PHLPP1: variants seen among roughly 807,000 people sequenced by gnomAD.
The protein encoded by PHLPP1 is PH domain leucine-rich repeat-containing protein phosphatase 1.
In PHLPP1, 42 loss-of-function variants were observed where a neutral mutation model predicts 117.2. The ratio of observed to expected loss-of-function variants is 0.36; its 90% CI spans 0.28 to 0.46. PHLPP1 has a LOEUF of 0.46. Among genes scored for constraint, PHLPP1 ranks in the 20% least tolerant of loss-of-function variants. The pLI, the probability that PHLPP1 is intolerant of heterozygous loss-of-function variation, is 1.00. For synonymous variants in PHLPP1, 1,042 were observed against 970.7 expected (o/e 1.07, Z -1.37); for missense variants, 2,084 against 2,241.9 (o/e 0.93, Z 1.42).
chr18:62,737,234 T>C (rs74937177), intron 1 of PHLPP1, among the ~76,000 whole-genome samples: 131 of 152,256 alleles, frequency 8.6e-4, no homozygotes, highest in African/African-American at 3.0e-3. Flanking sequence ...GCAGCATGAA[T>C]GACAGGGCTC....
chr18:62,769,481 G>A (rs1912678754), intron 1 of PHLPP1, among the ~76,000 whole-genome samples: 1 of 152,142 alleles, frequency 6.6e-6, no homozygotes, highest in Non-Finnish European at 1.5e-5. Flanking sequence ...AATCATGCGA[G>A]GATTCAAAGG....
intron 15 of PHLPP1, among the ~76,000 whole-genome samples, chr18:62,974,444 T>C (rs573650233): frequency 3.3e-5 from 5 of 152,212 alleles, no homozygotes; most frequent in Admixed American, 6.5e-5. Flanking sequence ...ACACACGTGA[T>C]AGGAGCAGAC....
At chr18:62,853,369 T>G (rs899921269) in intron 3 of PHLPP1, among the ~76,000 whole-genome samples, 3 of 151,868 alleles carry the variant, frequency 2.0e-5, no homozygotes, top group Non-Finnish European at 4.4e-5. Flanking sequence ...TTTTTTGTTC[T>G]TGTTTCGTTT....
At chr18:62,812,550 G>T (rs996101824) in intron 1 of PHLPP1, among the ~76,000 whole-genome samples, 25 of 152,234 alleles carry the variant, frequency 1.6e-4, no homozygotes, top group African/African-American at 5.5e-4. Flanking sequence ...CATTCCTAAG[G>T]CCTCTAAATC....
intron 13 of PHLPP1, among the ~76,000 whole-genome samples, chr18:62,960,548 A>G (rs540748709): frequency 6.6e-5 from 10 of 152,238 alleles, no homozygotes; most frequent in Admixed American, 5.2e-4. Context: ...AAATGTTCTT[A>G]TATGATAAGA....
intron 1 of PHLPP1, among the ~76,000 whole-genome samples, chr18:62,829,395 C>T (rs12959104): frequency 0.033 from 5,054 of 152,210 alleles, 139 homozygotes; most frequent in Non-Finnish European, 0.049. Context: ...TTAAATCTAA[C>T]CATTCATAAA....
rs778582434 is a variant in PHLPP1, at chr18:62,830,115, C to T, written c.1657C>T (p.Pro553Ser). The T allele has an allele frequency of 2.5e-6, 4 of 1,612,874 alleles. No homozygotes were observed. Among genetic ancestry groups the T allele is most frequent in the Admixed American group, 1.7e-5 (1 of 59,898 alleles). ...YNVRKGKMQL[P>S]VNRWTRRQVI... ...TGTCCGTAAAGGCAAGATGCAGTTG[C>T]CAGTGAACCGATGGACAAGACGCCA... is the stretch of plus-strand genomic sequence containing the variant. The change falls in exon 2 of 17, where the codon CCA becomes TCA. Residue 553 changes from proline (P) to serine (S), a missense_variant. Coordinates refer to ENST00000262719, the MANE Select transcript of PHLPP1 (RefSeq NM_194449.4).
rs567868852 is a variant in PHLPP1 at position 62,884,885 on chromosome 18, T to C, written c.2067-10126T>C. Among the ~76,000 whole-genome samples, 7 of 152,330 alleles carry C rather than the reference T, an allele frequency of 4.6e-5. No individual in the cohort carries two copies. In the South Asian group the frequency reaches 1.4e-3, roughly 32 times the overall value. ...TACAACTACTTCCATCATACTGTTATTTTAGTCAAGTTTTCAAGTGTATAT... is the reference window on the plus strand; with the variant it reads ...TACAACTACTTCCATCATACTGTTACTTTAGTCAAGTTTTCAAGTGTATAT... On this transcript the variant is annotated intron_variant, in intron 4 of 16. Coordinates refer to ENST00000262719, the MANE Select transcript of PHLPP1 (RefSeq NM_194449.4).
intron 4 of PHLPP1, among the ~76,000 whole-genome samples, chr18:62,874,119 G>A (rs1915975837): frequency 6.6e-6 from 1 of 150,904 alleles, no homozygotes; most frequent in South Asian, 2.1e-4. Flanking sequence ...GAGAGGTGGA[G>A]TTTGTGGTGA....
At chr18:62,832,937 T>C (rs1914795276) in intron 2 of PHLPP1, among the ~76,000 whole-genome samples, 1 of 152,192 alleles carries the variant, frequency 6.6e-6, no homozygotes, top group Non-Finnish European at 1.5e-5. Context: ...TTACTTTACA[T>C]ATATGGCTTT....
At chr18:62,765,496 G>A (rs192187603) in intron 1 of PHLPP1, among the ~76,000 whole-genome samples, 66 of 152,240 alleles carry the variant, frequency 4.3e-4, no homozygotes, top group African/African-American at 1.5e-3. Context: ...TACCTTTATT[G>A]GCTCTATAAG....
chr18:62,878,652 C>G (rs939222433), intron 4 of PHLPP1, among the ~76,000 whole-genome samples: 13 of 152,176 alleles, frequency 8.5e-5, no homozygotes, highest in Admixed American at 8.5e-4. Context: ...ACACCCATTC[C>G]TCCCTGGTGA....
chr18:62,892,861 G>A (rs1214752896), intron 4 of PHLPP1, among the ~76,000 whole-genome samples: 2 of 142,366 alleles, frequency 1.4e-5, no homozygotes, highest in African/African-American at 5.2e-5. Context: ...GGGCGACAGA[G>A]CAAGACTCCA....
chr18:62,820,604 G>A (rs546445376), intron 1 of PHLPP1, among the ~76,000 whole-genome samples: 36 of 152,224 alleles, frequency 2.4e-4, no homozygotes, highest in African/African-American at 7.7e-4. Flanking sequence ...ATCCCCCTTC[G>A]CTCAGCACTT....
intron 14 of PHLPP1, among the ~76,000 whole-genome samples, chr18:62,964,345 C>T (rs1354239365): frequency 6.6e-6 from 1 of 152,158 alleles, no homozygotes; most frequent in African/African-American, 2.4e-5. Flanking sequence ...AAAATCTCCC[C>T]CAGGTGATTC....
chr18:62,749,290 C>T (rs1599024736), intron 1 of PHLPP1, among the ~76,000 whole-genome samples: 1 of 151,258 alleles, frequency 6.6e-6, no homozygotes, highest in East Asian at 1.9e-4. Context: ...CTCCAAACCT[C>T]CTGGGAGTGG....
At chr18:62,823,546 C>G (rs1005347500) in intron 1 of PHLPP1, among the ~76,000 whole-genome samples, 1 of 151,192 alleles carries the variant, frequency 6.6e-6, no homozygotes, top group South Asian at 2.1e-4. Flanking sequence ...GCCTGGGCAA[C>G]AGCAAGACTG....
intron 10 of PHLPP1, among the ~76,000 whole-genome samples, chr18:62,924,286 A>AT (rs931786751): frequency 2.0e-5 from 3 of 152,022 alleles, no homozygotes; most frequent in African/African-American, 4.8e-5. Flanking sequence ...CCTTTTTTAT[A>AT]TTTTTTTGTG....
chr18:62,794,792 A>C (rs1453260377), intron 1 of PHLPP1, among the ~76,000 whole-genome samples: 1 of 152,218 alleles, frequency 6.6e-6, no homozygotes, highest in African/African-American at 2.4e-5. Flanking sequence ...AAGCACACAC[A>C]GGAACTGGCC....
Sources: gnomAD v4.1 joint callset for allele counts (sites outside exome capture counted in the v4.1 genomes callset) on GRCh38, gnomAD v4.1.1 for gene constraint, MANE v1.5 for transcripts, NCBI Gene and HGNC (gene_info 2026-07-23, HGNC 2026-07-21) for gene names.